SEMA4A: variants seen among roughly 807,000 people sequenced by gnomAD.
SEMA4A encodes semaphorin-4A.
In SEMA4A, 52 loss-of-function variants were observed where a neutral mutation model predicts 72.5. The observed-to-expected ratio is 0.72, with a 90% confidence interval of 0.57 to 0.90. The LOEUF is 0.90. Ranked by LOEUF, SEMA4A falls within the 40% of genes least tolerant of loss-of-function variation. SEMA4A has a pLI of 0.00. For missense variants in SEMA4A, 926 were observed against 959.7 expected, an observed-to-expected ratio of 0.96 and a Z score of 0.46; for synonymous variants, 369 against 393.1, an observed-to-expected ratio of 0.94 and a Z score of 0.73.
chr1:156,174,758 C>G, intron 11 of SEMA4A, 64 bp from the exon 12 acceptor site: 3 of 1,610,900 alleles, frequency 1.9e-6, no homozygotes, highest in Non-Finnish European at 2.5e-6. Flanking sequence ...GGGAGGCCCC[C>G]GGAAGTTGGG....
Position 156,161,444 on chromosome 1 carries a change from C to T in SEMA4A, c.909C>T (p.Val303=), listed in dbSNP as rs1653648645. 5.0e-6 allele frequency: 8 copies of T among 1,614,024 alleles called. No homozygotes were observed. Among genetic ancestry groups the T allele is most frequent in the Non-Finnish European group, 5.1e-6 (6 of 1,179,984 alleles). The change falls in exon 9 of 15, where the codon GTC becomes GTT. Residue 303 remains valine (V), a synonymous_variant. Transcript: ENST00000368285. ...CTQPGQLPFN[V]IRHAVLLPAD... is the part of the protein sequence containing the mutation. ...AGCCGGGGCAGCTGCCCTTCAACGTCATCCGCCACGCGGTCCTGCTCCCCG... is the reference window on the plus strand; with the variant it reads ...AGCCGGGGCAGCTGCCCTTCAACGTTATCCGCCACGCGGTCCTGCTCCCCG...
intron 10 of SEMA4A, 88 bp from the exon 11 acceptor site, chr1:156,172,738 G>C (rs1654918897): frequency 8.2e-7 from 1 of 1,220,526 alleles, no homozygotes; most frequent in Non-Finnish European, 1.2e-6. Flanking sequence ...CATGAGGGAG[G>C]GGGTAAAGGG....
At chr1:156,151,150 A>G (rs1470992960), upstream of SEMA4A, among the ~76,000 whole-genome samples, 1 of 152,172 alleles carries the variant, frequency 6.6e-6, no homozygotes, top group African/African-American at 2.4e-5. Context: ...GACCTGCTAT[A>G]TTATTTGTGG....
chr1:156,160,434 C>T lies in SEMA4A; in HGVS notation c.569-9C>T, dbSNP rs1392081974. 1.2e-6 allele frequency: 2 copies of T among 1,605,752 alleles called. No individual in the cohort carries two copies. Among genetic ancestry groups the T allele is most frequent in the Non-Finnish European group, 1.7e-6 (2 of 1,172,568 alleles). ...CATCAGTTCTCTCTTCTCCTCTCCT[C>T]CACCCTAGATGGGATGCTCTATTCT... On this transcript the variant is annotated splice_polypyrimidine_tract_variant and intron_variant, in intron 6 of 14. Coordinates refer to ENST00000368285, the MANE Select transcript of SEMA4A (RefSeq NM_022367.4).
At chr1:156,154,788 G>C (rs990450953) in intron 2 of SEMA4A, 71 bp downstream of exon 2, 12 of 1,522,444 alleles carry the variant, frequency 7.9e-6, no homozygotes, top group Non-Finnish European at 9.8e-6. Context: ...AAGGAGAGAG[G>C]AACAGAGGAG....
chr1:156,159,160 C>A, intron 6 of SEMA4A: 1 of 338,576 alleles, frequency 3.0e-6, no homozygotes. Context: ...ATGGTGAAAC[C>A]CCATCTCTAC....
chr1:156,154,972 A>C (rs895386556), intron 2 of SEMA4A: 3 of 544,814 alleles, frequency 5.5e-6, no homozygotes, highest in Non-Finnish European at 3.2e-6. Flanking sequence ...CGCTTCTTCC[A>C]GTTCTCCATG....
At chr1:156,176,243 C>A (rs1655309547) in intron 14 of SEMA4A, among the ~76,000 whole-genome samples, 162 bp from the exon 15 acceptor site, 1 of 150,816 alleles carries the variant, frequency 6.6e-6, no homozygotes. Flanking sequence ...TTGCAGTGAG[C>A]TGAGGTTGTG....
chr1:156,161,105 T>G, intron 8 of SEMA4A, 76 bp downstream of exon 8: 4 of 1,341,566 alleles, frequency 3.0e-6, no homozygotes, highest in South Asian at 1.3e-5. Context: ...GACTGAGTGG[T>G]GGGCCCCCAG....
intron 11 of SEMA4A, among the ~76,000 whole-genome samples, chr1:156,173,248 A>T (rs1378248221): frequency 6.6e-6 from 1 of 152,206 alleles, no homozygotes; most frequent in Non-Finnish European, 1.5e-5. Context: ...TGGTGGCTTT[A>T]TCAAGAGCTG....
intron 3 of SEMA4A, among the ~76,000 whole-genome samples, chr1:156,156,830 G>A (rs1244535135): frequency 1.3e-5 from 2 of 149,010 alleles, no homozygotes; most frequent in Non-Finnish European, 3.0e-5. Context: ...TGCAACCTCC[G>A]CCTCCCAGGT....
upstream of SEMA4A, chr1:156,153,279 T>C (rs1016103901): frequency 6.6e-6 from 1 of 152,124 alleles, no homozygotes; most frequent in Non-Finnish European, 1.5e-5. Flanking sequence ...CCCCACCTTG[T>C]GGGTAAGTGA....
At chr1:156,171,575 CT>C (rs1338098609) in intron 10 of SEMA4A, among the ~76,000 whole-genome samples, 2 of 152,024 alleles carry the variant, frequency 1.3e-5, no homozygotes, top group African/African-American at 4.8e-5. Flanking sequence ...AAACTTGGTC[CT>C]TTTTTAAATT....
rs986370002 is a variant in SEMA4A, at chr1:156,174,955, G to T, written c.1434+15G>T. ...CCCCCACCCAGGTGGGAAGGGACCT[G>T]ACCATCAAATGGCCTTCCAGTGGGG... On this transcript the variant is annotated intron_variant, in intron 12 of 14. Transcript: ENST00000368285. The T allele has an allele frequency of 1.9e-6, 3 of 1,614,080 alleles. No individual in the cohort carries two copies. In the African/African-American group the frequency reaches 4.0e-5, roughly 22 times the overall value.
rs1655433671 is a variant in SEMA4A at position 156,177,143 on chromosome 1, ACACTCAGCAGGGTGATGCACAGCAGT to A, written c.*148_*173del. 2 of 759,078 alleles carry A rather than the reference ACACTCAGCAGGGTGATGCACAGCAGT, an allele frequency of 2.6e-6. No homozygotes were observed. The highest frequency in any genetic ancestry group is 4.5e-6 in the Non-Finnish European group (2 of 440,092). 47.0% of individuals were successfully genotyped at this position (759,078 alleles called of 1,614,324 possible). A position where few individuals can be genotyped will look rare whatever the true frequency, so the allele number is the denominator to read the frequency against. Reference sequence around the variant, plus strand: ...CTTCTGCTACTCTGCATCACTGATGACACTCAGCAGGGTGATGCACAGCAGTCTGCCTCCCCTATGGGACTCCCTTC... The same window carrying A: ...CTTCTGCTACTCTGCATCACTGATGACTGCCTCCCCTATGGGACTCCCTTC... On this transcript the variant is annotated 3_prime_UTR_variant, in exon 15 of 15. Transcript: ENST00000368285.
upstream of SEMA4A, among the ~76,000 whole-genome samples, chr1:156,153,058 T>C (rs1652679065): frequency 6.6e-6 from 1 of 152,172 alleles, no homozygotes; most frequent in Non-Finnish European, 1.5e-5. Context: ...TTCTGGGCTT[T>C]CTACTGGCCT....
upstream of SEMA4A, among the ~76,000 whole-genome samples, chr1:156,147,975 C>T (rs1242425194): frequency 6.6e-6 from 1 of 152,200 alleles, no homozygotes; most frequent in Non-Finnish European, 1.5e-5. Flanking sequence ...GACTATTTAG[C>T]TCTTTTCTGG....
chr1:156,163,595 G>A (rs1264682164), intron 10 of SEMA4A, among the ~76,000 whole-genome samples: 1 of 151,458 alleles, frequency 6.6e-6, no homozygotes, highest in Non-Finnish European at 1.5e-5. Flanking sequence ...GGTGGCACGC[G>A]ACTGTAATTT....
chr1:156,175,747 A>G, intron 14 of SEMA4A, 91 bp downstream of exon 14: 2 of 910,076 alleles, frequency 2.2e-6, no homozygotes, highest in Non-Finnish European at 3.6e-6. Flanking sequence ...TTCCTCCCCC[A>G]GCACCTGCCT....
Sources: gnomAD v4.1 joint callset for allele counts (sites outside exome capture counted in the v4.1 genomes callset) on GRCh38, gnomAD v4.1.1 for gene constraint, MANE v1.5 for transcripts, NCBI Gene and HGNC (gene_info 2026-07-23, HGNC 2026-07-21) for gene names.